Variants in ZBTB7C observed in about 807,000 individuals in gnomAD.
ZBTB7C encodes zinc finger and BTB domain-containing protein 7C.
In ZBTB7C, 8 loss-of-function variants were observed where a neutral mutation model predicts 25.7. The observed-to-expected ratio is 0.31, with a 90% CI of 0.18 to 0.56. The LOEUF is 0.56. Among genes scored for constraint, ZBTB7C ranks in the 20% least tolerant of loss-of-function variants. ZBTB7C has a pLI of 0.91. For missense variants in ZBTB7C, 824 were observed against 855.2 expected (o/e 0.96, Z 0.46); for synonymous variants, 394 against 369.0 (o/e 1.07, Z -0.78).
chr18:48,037,851 G>A (rs1009918549), intron 4 of ZBTB7C, among the ~76,000 whole-genome samples: 1 of 152,212 alleles, frequency 6.6e-6, no homozygotes, highest in African/African-American at 2.4e-5. Flanking sequence ...TTCCTGATCT[G>A]GCCTGTGAAG....
At chr18:48,038,731 G>A (rs1180933931) in intron 4 of ZBTB7C, among the ~76,000 whole-genome samples, 1 of 152,124 alleles carries the variant, frequency 6.6e-6, no homozygotes, top group East Asian at 1.9e-4. Context: ...CACCGCCACC[G>A]GAACAAGTGT....
intron 1 of ZBTB7C, among the ~76,000 whole-genome samples, chr18:48,383,466 A>G (rs2047677032): frequency 6.6e-6 from 1 of 152,004 alleles, no homozygotes; most frequent in Non-Finnish European, 1.5e-5. Flanking sequence ...GGTTTTCACC[A>G]TGTTGGCCAG....
chr18:48,258,203 A>G (rs2044074600), intron 2 of ZBTB7C, among the ~76,000 whole-genome samples: 1 of 152,244 alleles, frequency 6.6e-6, no homozygotes, highest in African/African-American at 2.4e-5. Context: ...AACTACTCCT[A>G]TTCAACATTG....
At chr18:48,387,993 A>G (rs1298344355) in intron 1 of ZBTB7C, among the ~76,000 whole-genome samples, 1 of 152,014 alleles carries the variant, frequency 6.6e-6, no homozygotes, top group Non-Finnish European at 1.5e-5. Context: ...CACCCAGCTA[A>G]TTTTTGTAGT....
intron 3 of ZBTB7C, among the ~76,000 whole-genome samples, chr18:48,043,649 A>C (rs1033997692): frequency 6.6e-6 from 1 of 152,284 alleles, no homozygotes; most frequent in East Asian, 1.9e-4. Context: ...TGTGATGGAA[A>C]TGTTCTGCAT....
At chr18:48,226,257 G>C (rs147753778) in intron 2 of ZBTB7C, among the ~76,000 whole-genome samples, 333 of 152,334 alleles carry the variant, frequency 2.2e-3, no homozygotes, top group Non-Finnish European at 3.4e-3. Flanking sequence ...AACTGATACA[G>C]GTAGATCCCT....
rs568010053 is a variant in ZBTB7C at position 48,280,262 on chromosome 18, G to A, written c.-79+57912C>T. Among the ~76,000 whole-genome samples, 10 of 152,084 alleles carry A rather than the reference G, an allele frequency of 6.6e-5. No individual in the cohort carries two copies. The South Asian group carries it at 1.0e-3, about 16-fold the overall frequency. On this transcript the variant is annotated intron_variant, in intron 2 of 4. Coordinates refer to ENST00000590800, the MANE Select transcript of ZBTB7C (RefSeq NM_001318841.2). ...CACACTGCAGCCTGAGGGTTTCACCGACTCCCGAGACTTCACCCATAACTG... is the reference window on the plus strand; with the variant it reads ...CACACTGCAGCCTGAGGGTTTCACCAACTCCCGAGACTTCACCCATAACTG...
chr18:48,268,878 T>A (rs1340424139), intron 2 of ZBTB7C, among the ~76,000 whole-genome samples: 1 of 152,210 alleles, frequency 6.6e-6, no homozygotes, highest in South Asian at 2.1e-4. Flanking sequence ...CTGAAATTTA[T>A]TGCTCACAGT....
chr18:48,225,868 G>A (rs866485354), intron 2 of ZBTB7C, among the ~76,000 whole-genome samples: 107 of 152,144 alleles, frequency 7.0e-4, no homozygotes, highest in Admixed American at 4.1e-3. Flanking sequence ...TCAGCCTCCC[G>A]AGTAGCTGGG....
intron 3 of ZBTB7C, among the ~76,000 whole-genome samples, chr18:48,145,803 A>T (rs931645375): frequency 2.6e-4 from 40 of 152,364 alleles, no homozygotes; most frequent in African/African-American, 9.6e-4. Flanking sequence ...ACCTCTGGAT[A>T]GCATTACAAA....
chr18:48,093,526 C>G (rs12969782), intron 3 of ZBTB7C, among the ~76,000 whole-genome samples: 36,308 of 152,050 alleles, frequency 0.24, 4,414 homozygotes, highest in Admixed American at 0.28. Context: ...AGAGCAGAGA[C>G]AGGGCTGTCC....
intron 2 of ZBTB7C, among the ~76,000 whole-genome samples, chr18:48,197,538 T>G (rs2042345767): frequency 6.6e-6 from 1 of 152,218 alleles, no homozygotes; most frequent in African/African-American, 2.4e-5. Flanking sequence ...CTAGGGCTGC[T>G]GTCACAAAAA....
chr18:48,129,166 G>GA (rs1308435831), intron 3 of ZBTB7C, among the ~76,000 whole-genome samples: 5 of 151,818 alleles, frequency 3.3e-5, no homozygotes, highest in Non-Finnish European at 7.4e-5. Context: ...GATACCAGGG[G>GA]AAAAAACGTG....
intron 1 of ZBTB7C, among the ~76,000 whole-genome samples, chr18:48,341,572 T>C (rs1017427504): frequency 5.9e-5 from 9 of 152,210 alleles, no homozygotes; most frequent in Non-Finnish European, 1.3e-4. Flanking sequence ...GGCCTGCCCT[T>C]GGTAGGTGCT....
chr18:48,385,706 C>T (rs2047731433), intron 1 of ZBTB7C, among the ~76,000 whole-genome samples: 1 of 152,226 alleles, frequency 6.6e-6, no homozygotes, highest in Admixed American at 6.5e-5. Context: ...TTAACCTTTT[C>T]CAGCTAGCGG....
At chr18:48,092,038 T>C (rs2144557014) in intron 3 of ZBTB7C, among the ~76,000 whole-genome samples, 1 of 152,296 alleles carries the variant, frequency 6.6e-6, no homozygotes, top group East Asian at 1.9e-4. Flanking sequence ...GCAGCATAGA[T>C]TCTATGTCAA....
chr18:48,350,502 C>G (rs879814377), intron 1 of ZBTB7C: 1 of 152,194 alleles, frequency 6.6e-6, no homozygotes, highest in South Asian at 2.1e-4. Flanking sequence ...TAACCTTAAT[C>G]CCATCTGCAA....
At chr18:48,362,748 C>T (rs1388688959) in intron 1 of ZBTB7C, among the ~76,000 whole-genome samples, 2 of 152,172 alleles carry the variant, frequency 1.3e-5, no homozygotes, top group Non-Finnish European at 2.9e-5. Flanking sequence ...TAACTCCACA[C>T]ACCCCCAAAA....
intron 2 of ZBTB7C, among the ~76,000 whole-genome samples, chr18:48,245,494 C>CAAAAAAAAAA (rs5824738): frequency 1.5e-5 from 2 of 132,896 alleles, no homozygotes; most frequent in African/African-American, 5.7e-5. Context: ...ATCAAGACAC[C>CAAAAAAAAAA]AAAAAAAAAA....
Sources: gnomAD v4.1 joint callset for allele counts (sites outside exome capture counted in the v4.1 genomes callset) on GRCh38, gnomAD v4.1.1 for gene constraint, MANE v1.5 for transcripts, NCBI Gene and HGNC (gene_info 2026-07-23, HGNC 2026-07-21) for gene names.